The following MTCL1 variants were observed in gnomAD, a reference collection of about 807,000 sequenced individuals.
MTCL1 encodes the protein microtubule crosslinking factor 1, also known as microtubule cross-linking factor 1.
MTCL1 carries 79 observed loss-of-function variants against 141.4 expected under a neutral mutation model. The ratio of observed to expected loss-of-function variants is 0.56; its 90% CI spans 0.47 to 0.67. The LOEUF is 0.67. MTCL1 is among the 30% of genes least tolerant of loss of function. The pLI is 0.00. For synonymous variants in MTCL1, 914 were observed against 875.8 expected (o/e 1.04, Z -0.77); for missense variants, 2,177 against 2,113.9 (o/e 1.03, Z -0.59).
intron 5 of MTCL1, among the ~76,000 whole-genome samples, chr18:8,781,081 G>A (rs992769398): frequency 1.3e-5 from 2 of 148,762 alleles, no homozygotes; most frequent in Non-Finnish European, 3.0e-5. Context: ...GCAGGGGGCA[G>A]GAGAATTGCT....
intron 12 of MTCL1, among the ~76,000 whole-genome samples, chr18:8,817,342 A>AG (rs2076690597): frequency 1.4e-5 from 2 of 143,690 alleles, no homozygotes; most frequent in Non-Finnish European, 1.5e-5. Flanking sequence ...GTGGAGGAGG[A>AG]GAGAGCAGAG....
At chr18:8,821,951 T>C (rs562239033) in intron 14 of MTCL1, among the ~76,000 whole-genome samples, 5 of 152,336 alleles carry the variant, frequency 3.3e-5, no homozygotes, top group African/African-American at 1.2e-4. Flanking sequence ...GTTGATGTGG[T>C]TGTTAGTTAC....
At chr18:8,777,951 G>C in intron 5 of MTCL1, 59 bp downstream of exon 4, 1 of 1,520,486 alleles carries the variant, frequency 6.6e-7, no homozygotes, top group Non-Finnish European at 9.1e-7. Context: ...AACTCATTTT[G>C]AATGTTTTTC....
At chr18:8,784,168 G>C in exon 6 of MTCL1, 1 of 1,613,824 alleles carries the variant, frequency 6.2e-7, no homozygotes, top group Non-Finnish European at 8.5e-7. Flanking sequence ...GCGGCAAGGT[G>C]CTCAAACTGC....
intron 4 of MTCL1, among the ~76,000 whole-genome samples, chr18:8,768,590 T>C (rs1285419134): frequency 6.6e-6 from 1 of 152,202 alleles, no homozygotes; most frequent in Admixed American, 6.5e-5. Flanking sequence ...AAACTGATGA[T>C]GGGTTTTCTC....
Position 8,786,110 on chromosome 18 carries a change from T to TCCCCGCCCCCCCCCCC in MTCL1, c.1887+23_1887+24insGCCCCCCCCCCCCCCC. On this transcript the variant is annotated intron_variant, in intron 7 of 16. Transcript: ENST00000359865. ...CCTGGAGGTCAGCGTGGGCAAGCAATCCCCCCCCCCCGCCCTCCCCCTCCT... is the reference window on the plus strand; with the variant it reads ...CCTGGAGGTCAGCGTGGGCAAGCAATCCCCGCCCCCCCCCCCCCCCCCCCCCCGCCCTCCCCCTCCT... 1.5e-6 allele frequency: 2 copies of TCCCCGCCCCCCCCCCC among 1,310,344 alleles called. No homozygotes were observed. Among genetic ancestry groups the TCCCCGCCCCCCCCCCC allele is most frequent in the Non-Finnish European group, 2.0e-6 (2 of 990,146 alleles). 81.2% of individuals were successfully genotyped at this position (1,310,344 alleles called of 1,614,324 possible).
At chr18:8,786,300 G>C (rs192438330) in intron 7 of MTCL1, 2 of 710,606 alleles carry the variant, frequency 2.8e-6, no homozygotes, top group African/African-American at 1.7e-5. Context: ...TGCTGTGCTC[G>C]TCAGACAGAG....
At chr18:8,734,212 C>G (rs983513371) in intron 4 of MTCL1, among the ~76,000 whole-genome samples, 2 of 151,940 alleles carry the variant, frequency 1.3e-5, no homozygotes, top group East Asian at 1.9e-4. Context: ...TAGCACCCCC[C>G]CTCCCCAATT....
intron 1 of MTCL1, among the ~76,000 whole-genome samples, chr18:8,709,111 T>C (rs2096073077): frequency 6.6e-6 from 1 of 152,246 alleles, no homozygotes; most frequent in Non-Finnish European, 1.5e-5. Context: ...GCAGTAGTCA[T>C]GCCTTTGCAG....
intron 7 of MTCL1, 21 bp downstream of exon 6, chr18:8,786,112 C>CCCCG (rs1555655938): frequency 3.7e-6 from 5 of 1,362,932 alleles, no homozygotes; most frequent in South Asian, 1.3e-5. Context: ...GCAAGCAATC[C>CCCCG]CCCCCCCCCG....
intron 7 of MTCL1, chr18:8,789,300 A>T (rs62086591): frequency 0.012 from 6,344 of 512,058 alleles, 104 homozygotes; most frequent in African/African-American, 0.06. Context: ...CTGCTTTTGA[A>T]ATAAGTGGTT....
chr18:8,717,984 A>G (rs2096140925), intron 2 of MTCL1: 2 of 1,013,466 alleles, frequency 2.0e-6, no homozygotes, highest in Non-Finnish European at 2.4e-6. Context: ...TTCCAGGGCA[A>G]TTAGCACTTG....
intron 10 of MTCL1, among the ~76,000 whole-genome samples, chr18:8,805,304 T>G (rs772534323): frequency 4.6e-5 from 7 of 152,260 alleles, no homozygotes; most frequent in Non-Finnish European, 5.9e-5. Flanking sequence ...TGTTCCCATC[T>G]CTGTCCGAGT....
chr18:8,718,442 C>G (rs774088801), exon 3 of MTCL1: 1 of 1,614,056 alleles, frequency 6.2e-7, no homozygotes, highest in Non-Finnish European at 8.5e-7. Context: ...AGATGAACTC[C>G]GTGCTGAGAT....
At chr18:8,814,330 G>A (rs546159110) in intron 12 of MTCL1, among the ~76,000 whole-genome samples, 59 of 152,256 alleles carry the variant, frequency 3.9e-4, no homozygotes, top group Admixed American at 5.9e-4. Flanking sequence ...GCGACAGACC[G>A]AGACCCCGTC....
intron 4 of MTCL1, 127 bp downstream of exon 3, chr18:8,720,623 A>G (rs1465711233): frequency 1.2e-6 from 1 of 850,950 alleles, no homozygotes; most frequent in South Asian, 1.9e-5. Flanking sequence ...TGTTTGGCTC[A>G]TAAGTTAGAT....
At chr18:8,718,346 G>A in intron 2 of MTCL1, 78 bp from the exon 2 acceptor site, 1 of 1,355,336 alleles carries the variant, frequency 7.4e-7, no homozygotes, top group Non-Finnish European at 1.0e-6. Flanking sequence ...TAGTATTGAG[G>A]AGCGGGTATG....
At chr18:8,831,686 C>T (rs748669163) in exon 17 of MTCL1, 52 of 1,550,484 alleles carry the variant, frequency 3.4e-5, no homozygotes, top group Admixed American at 5.9e-5. Flanking sequence ...CGTCGCCCTC[C>T]GTCCCGTTGG....
At chr18:8,746,701 C>T (rs1268045461) in intron 4 of MTCL1, among the ~76,000 whole-genome samples, 1 of 152,152 alleles carries the variant, frequency 6.6e-6, no homozygotes, top group Non-Finnish European at 1.5e-5. Context: ...CATCTCCTGC[C>T]CATGTTGGTG....
Sources: allele counts gnomAD v4.1 joint callset (sites outside exome capture counted in the v4.1 genomes callset), GRCh38; gene constraint gnomAD v4.1.1; transcripts MANE v1.5; gene names NCBI Gene and HGNC (gene_info 2026-07-23, HGNC 2026-07-21).